ANO1: variants seen among roughly 807,000 people sequenced by gnomAD.
ANO1 encodes anoctamin-1.
A neutral mutation model predicts 124.0 loss-of-function variants in ANO1; 59 were observed. The observed-to-expected ratio is 0.48, with a 90% CI of 0.39 to 0.59. The LOEUF (loss-of-function observed/expected upper bound fraction) is 0.59. Among genes scored for constraint, ANO1 ranks in the 20% least tolerant of loss-of-function variants. The pLI is 0.00. For synonymous variants in ANO1, 529 were observed against 532.0 expected, an observed-to-expected ratio of 0.99 and a Z score of 0.08; for missense variants, 1,059 against 1,328.0, an observed-to-expected ratio of 0.80 and a Z score of 3.15.
chr11:70,071,070 C>T (rs919042292), intron 1 of ANO1, among the ~76,000 whole-genome samples: 8 of 152,188 alleles, frequency 5.3e-5, no homozygotes, highest in African/African-American at 1.9e-4. Flanking sequence ...TCCTGGATCT[C>T]TTTCTGGTGT....
intron 1 of ANO1, among the ~76,000 whole-genome samples, chr11:70,008,159 A>G (rs987223334): frequency 6.6e-6 from 1 of 152,184 alleles, no homozygotes; most frequent in African/African-American, 2.4e-5. Context: ...TTAGATATTA[A>G]TCCCTTATCA....
chr11:70,035,077 A>G (rs1481235201), intron 1 of ANO1, among the ~76,000 whole-genome samples: 1 of 152,068 alleles, frequency 6.6e-6, no homozygotes, highest in African/African-American at 2.4e-5. Context: ...GTGCAGTGGT[A>G]CCACAGCCCC....
In ANO1 at chr11:70,149,815, A is replaced by C. The variant is rs765075808; in HGVS notation, c.1341+23A>C. 9.9e-6 allele frequency: 16 copies of C among 1,610,976 alleles called. No homozygotes were observed. The South Asian group carries it at 1.8e-4, about 18-fold the overall frequency. ...GAGGTCAGTGGGTTTGCCGCCGTGC[A>C]TATCACGCCCTTCCCCCACGTTCCC... On this transcript the variant is annotated intron_variant, in intron 12 of 25. Transcript: ENST00000355303.
intron 1 of ANO1, among the ~76,000 whole-genome samples, chr11:69,995,504 G>A (rs1184208695): frequency 1.3e-5 from 2 of 152,100 alleles, no homozygotes; most frequent in African/African-American, 2.4e-5. Flanking sequence ...AGTGCATTTA[G>A]TCCTCATGAC....
intron 1 of ANO1, among the ~76,000 whole-genome samples, chr11:70,031,554 C>T (rs1555003806): frequency 1.3e-5 from 2 of 152,186 alleles, no homozygotes; most frequent in African/African-American, 4.8e-5. Context: ...GTGAGTTCAA[C>T]CTTACTAGAT....
rs374646185 is a variant in ANO1 at position 70,124,358 on chromosome 11, C to T, written c.906C>T (p.Tyr302=). 4.8e-4 allele frequency: 777 copies of T among 1,613,726 alleles called. No homozygotes were observed. Among genetic ancestry groups the T allele is most frequent in the Non-Finnish European group, 6.3e-4 (738 of 1,179,890 alleles). The stretch of plus-strand genomic sequence containing the variant: ...TGCTTCCTCCCCCTCAGCTCCTGTA[C>T]GAAGAGTGGGCACGCTATGGAGTTT... ...NVEFNDRKLL[Y]EEWARYGVFY... Residue 302 remains tyrosine (Y), a synonymous_variant, in exon 9 of 26, where the codon TAC becomes TAT. Coordinates refer to ENST00000355303, the MANE Select transcript of ANO1 (RefSeq NM_018043.7).
rs1434679953 is a variant in ANO1 at position 70,189,261 on chromosome 11, A to T, written c.*1257A>T. ...TTGTCTTGAAGATCTCATTGATGTG[A>T]TGTTACATTCCCTTTAATCTGCCAA... is the stretch of plus-strand genomic sequence containing the variant. On this transcript the variant is annotated 3_prime_UTR_variant, in exon 26 of 26. Transcript: ENST00000355303. 6.6e-6 allele frequency: 1 copy of T among 152,638 alleles called. No individual in the cohort carries two copies. The highest frequency in any genetic ancestry group is 1.5e-5 in the Non-Finnish European group (1 of 68,050). The allele number at this position is 152,638 out of a possible 1,614,324, so 9.5% of individuals were successfully genotyped here.
intron 1 of ANO1, among the ~76,000 whole-genome samples, chr11:69,998,924 G>A (rs1856327108): frequency 6.6e-6 from 1 of 151,852 alleles, no homozygotes; most frequent in Non-Finnish European, 1.5e-5. Context: ...CTGCAGCCTG[G>A]GCAACAAGAG....
intron 1 of ANO1, among the ~76,000 whole-genome samples, chr11:70,031,228 A>T (rs1483580925): frequency 3.3e-5 from 5 of 152,220 alleles, no homozygotes; most frequent in African/African-American, 1.2e-4. Context: ...GACAGGTGTG[A>T]GCCACTGATC....
rs563259816 is a variant in ANO1, at chr11:70,111,592, G to C, written c.800-115G>C. On this transcript the variant is annotated intron_variant, in intron 6 of 25. Transcript: ENST00000355303. ...GGCCGGGCTCTGCGTAGTCAGGTTC[G>C]TTTCATTTTGAGAAGCTCTTAGTGG... 1,107 of 1,020,412 alleles carry C rather than the reference G, an allele frequency of 1.1e-3. 4 individuals carry two copies. The highest frequency in any genetic ancestry group is 3.7e-4 in the Non-Finnish European group (243 of 654,886). The allele number at this position is 1,020,412 out of a possible 1,614,324, so 63.2% of individuals were successfully genotyped here. A position where few individuals can be genotyped will look rare whatever the true frequency, so the allele number is the denominator to read the frequency against.
At chr11:70,123,329 G>A (rs1459657778) in intron 8 of ANO1, among the ~76,000 whole-genome samples, 1 of 152,182 alleles carries the variant, frequency 6.6e-6, no homozygotes, top group African/African-American at 2.4e-5. Flanking sequence ...GCAGCCGTGG[G>A]TACACCTGCA....
At chr11:70,085,367 C>T in intron 1 of ANO1, 2 of 1,467,136 alleles carry the variant, frequency 1.4e-6, no homozygotes. Flanking sequence ...TGGTCGTGGC[C>T]CCTAAGCACC....
chr11:70,153,202 A>G (rs1411920539), intron 14 of ANO1, 74 bp downstream of exon 14: 1 of 1,331,344 alleles, frequency 7.5e-7, no homozygotes, highest in Non-Finnish European at 1.1e-6. Flanking sequence ...ACCTGGGATC[A>G]GCCCAGAGAA....
At chr11:70,043,292 C>A (rs1481898334) in intron 1 of ANO1, among the ~76,000 whole-genome samples, 1 of 151,904 alleles carries the variant, frequency 6.6e-6, no homozygotes. Flanking sequence ...AAATAAAACA[C>A]AGAGAGAAAA....
At chr11:70,180,631 G>A (rs1590940227) in intron 23 of ANO1, among the ~76,000 whole-genome samples, 2 of 152,214 alleles carry the variant, frequency 1.3e-5, no homozygotes, top group South Asian at 2.1e-4. Context: ...TAAGTCCACT[G>A]AGAATAAACA....
At chr11:70,082,170 A>G (rs949243674) in intron 1 of ANO1, among the ~76,000 whole-genome samples, 1 of 152,216 alleles carries the variant, frequency 6.6e-6, no homozygotes, top group Non-Finnish European at 1.5e-5. Context: ...ACAGCCAGCC[A>G]CAGTATACAA....
At chr11:70,035,182 C>G (rs1555004238) in intron 1 of ANO1, among the ~76,000 whole-genome samples, 2 of 152,212 alleles carry the variant, frequency 1.3e-5, no homozygotes, top group East Asian at 1.9e-4. Flanking sequence ...AGAGCTATGA[C>G]CCGTGGAGCT....
chr11:70,128,259 G>C (rs1400575832), intron 10 of ANO1, among the ~76,000 whole-genome samples: 2 of 140,642 alleles, frequency 1.4e-5, no homozygotes, highest in Non-Finnish European at 3.0e-5. Flanking sequence ...CCCTTTGTTT[G>C]CTAATATGGT....
At chr11:70,042,548 TGA>T (rs146754285) in intron 1 of ANO1, among the ~76,000 whole-genome samples, 155 of 135,184 alleles carry the variant, frequency 1.1e-3, no homozygotes, top group Non-Finnish European at 1.2e-3. Flanking sequence ...ATTGAGAGAT[TGA>T]GAGAGAGAGA....
Sources: allele counts gnomAD v4.1 joint callset (sites outside exome capture counted in the v4.1 genomes callset), GRCh38; gene constraint gnomAD v4.1.1; transcripts MANE v1.5; gene names NCBI Gene and HGNC (gene_info 2026-07-23, HGNC 2026-07-21).